Variants in SMARCA2 observed in about 807,000 individuals in gnomAD.
SMARCA2 encodes the protein SWI/SNF related BAF chromatin remodeling complex subunit ATPase 2, also known as SWI/SNF-related matrix-associated actin-dependent regulator of chromatin subfamily A member 2.
SMARCA2 carries 61 observed loss-of-function variants against 199.8 expected under a neutral mutation model. That is an observed-to-expected ratio of 0.31 (90% confidence interval 0.25 to 0.38). The LOEUF (loss-of-function observed/expected upper bound fraction) is 0.38. SMARCA2 is among the 10% of genes least tolerant of loss of function. The pLI is 1.00. For missense variants in SMARCA2, 1,344 were observed against 2,012.2 expected, an observed-to-expected ratio of 0.67 and a Z score of 6.35; for synonymous variants, 935 against 732.0, an observed-to-expected ratio of 1.28 and a Z score of -4.48.
At chr9:2,062,781 C>T (rs1254570238) in intron 9 of SMARCA2, among the ~76,000 whole-genome samples, 1 of 152,110 alleles carries the variant, frequency 6.6e-6, no homozygotes, top group East Asian at 1.9e-4. Flanking sequence ...ATCCTGCCTT[C>T]TCTCACAGTT....
intron 27 of SMARCA2, among the ~76,000 whole-genome samples, chr9:2,149,013 G>A (rs906015470): frequency 4.6e-5 from 7 of 151,520 alleles, no homozygotes; most frequent in African/African-American, 1.7e-4. Context: ...GCCATGCAGG[G>A]CCAGAATATA....
intron 26 of SMARCA2, among the ~76,000 whole-genome samples, chr9:2,121,130 A>C (rs961682398): frequency 1.1e-4 from 17 of 152,232 alleles, no homozygotes; most frequent in Non-Finnish European, 2.4e-4. Context: ...AAATTAGATT[A>C]GGCCCAGAAA....
intron 20 of SMARCA2, 87 bp from the exon 21 acceptor site, chr9:2,097,298 C>G (rs1822312927): frequency 2.4e-6 from 2 of 842,902 alleles, no homozygotes; most frequent in Non-Finnish European, 3.9e-6. Flanking sequence ...GTCCTTTGTC[C>G]TTTGTATAAG....
At chr9:2,184,321 A>G (rs924842109) in intron 31 of SMARCA2, among the ~76,000 whole-genome samples, 25 of 150,782 alleles carry the variant, frequency 1.7e-4, no homozygotes, top group African/African-American at 5.9e-4. Flanking sequence ...ACTTCTCAAG[A>G]TGGAAACATC....
intron 16 of SMARCA2, 60 bp downstream of exon 16, chr9:2,083,473 T>G: frequency 1.0e-6 from 1 of 1,003,402 alleles, no homozygotes; most frequent in Non-Finnish European, 1.6e-6. Context: ...CCTATTTTCT[T>G]CATTCCATAT....
chr9:2,180,099 G>T (rs1211303306), intron 29 of SMARCA2, among the ~76,000 whole-genome samples: 1 of 152,124 alleles, frequency 6.6e-6, no homozygotes, highest in African/African-American at 2.4e-5. Context: ...TGAGGGGTAG[G>T]GGTGGTTGAG....
intron 27 of SMARCA2, among the ~76,000 whole-genome samples, chr9:2,150,691 G>T (rs968121991): frequency 6.6e-6 from 1 of 151,566 alleles, no homozygotes; most frequent in Admixed American, 6.6e-5. Flanking sequence ...CTATGTAATA[G>T]TTTGCTAGGA....
At chr9:2,152,513 G>A (rs766481377) in intron 27 of SMARCA2, among the ~76,000 whole-genome samples, 2 of 151,726 alleles carry the variant, frequency 1.3e-5, no homozygotes, top group Admixed American at 6.6e-5. Flanking sequence ...AGATTGTACC[G>A]CTGCACTCCA....
At chr9:2,128,994 C>T (rs1463708492) in intron 27 of SMARCA2, among the ~76,000 whole-genome samples, 1 of 152,212 alleles carries the variant, frequency 6.6e-6, no homozygotes, top group Admixed American at 6.5e-5. Flanking sequence ...CCCGAGGCCC[C>T]CCACACTTTT....
intron 9 of SMARCA2, among the ~76,000 whole-genome samples, chr9:2,066,600 T>C (rs1820847276): frequency 6.6e-6 from 1 of 152,216 alleles, no homozygotes; most frequent in African/African-American, 2.4e-5. Flanking sequence ...ATTATACTCC[T>C]CCCTTCCTAC....
intron 28 of SMARCA2, among the ~76,000 whole-genome samples, chr9:2,168,099 C>T (rs1366736793): frequency 6.7e-6 from 1 of 150,034 alleles, no homozygotes; most frequent in Non-Finnish European, 1.5e-5. Context: ...GCAACATCTG[C>T]CTCCCGGGTT....
Position 2,086,861 on chromosome 9 carries a change from C to G in SMARCA2, c.2559C>G (p.Gly853=). 1 of 1,614,042 alleles carries G rather than the reference C, an allele frequency of 6.2e-7. No homozygotes were observed. Among genetic ancestry groups the G allele is most frequent in the Non-Finnish European group, 8.5e-7 (1 of 1,179,946 alleles). The stretch of plus-strand genomic sequence containing the variant: ...GGAAATACATGATAGTGGACGAAGG[C>G]CACCGAATGAAGAATCACCACTGCA... ...IRWKYMIVDE[G]HRMKNHHCKL... The change falls in exon 18 of 34, where the codon GGC becomes GGG. Residue 853 remains glycine, a synonymous_variant. Coordinates refer to ENST00000349721, the MANE Select transcript of SMARCA2 (RefSeq NM_003070.5). This position sits in a 1 kb window ranked among gnomAD's most constrained non-coding sequence, Gnocchi z 4.3.
intron 32 of SMARCA2, among the ~76,000 whole-genome samples, chr9:2,188,538 A>G (rs1404821822): frequency 1.3e-5 from 2 of 152,140 alleles, no homozygotes; most frequent in East Asian, 1.9e-4. Flanking sequence ...TTTTAGCTAT[A>G]TATTTCATTA....
intron 9 of SMARCA2, among the ~76,000 whole-genome samples, chr9:2,065,989 A>T (rs757537704): frequency 7.2e-5 from 11 of 152,242 alleles, no homozygotes; most frequent in African/African-American, 2.7e-4. Context: ...AAACAACCCA[A>T]GTAATTTGCA....
chr9:2,181,374 T>TTTTACTGTGATCTTAAAATTATCACAA (rs1827011997), intron 29 of SMARCA2, 197 bp from the exon 30 acceptor site: 1 of 474,668 alleles, frequency 2.1e-6, no homozygotes, highest in African/African-American at 2.0e-5. Flanking sequence ...CCAAATTGTA[T>TTTTACTGTGATCTTAAAATTATCACAA]TTTACTGTGA....
intron 31 of SMARCA2, among the ~76,000 whole-genome samples, chr9:2,182,578 C>A (rs1202395004): frequency 6.7e-6 from 1 of 149,864 alleles, no homozygotes; most frequent in Admixed American, 6.7e-5. Context: ...ATGGCAACCT[C>A]CGCCTCCCAG....
At chr9:2,021,539 G>C (rs1818599439) in intron 1 of SMARCA2, among the ~76,000 whole-genome samples, 1 of 152,124 alleles carries the variant, frequency 6.6e-6, no homozygotes, top group African/African-American at 2.4e-5. Flanking sequence ...TATCACACAT[G>C]GATATTGGAT....
At chr9:2,090,551 G>A (rs1822009448) in intron 19 of SMARCA2, among the ~76,000 whole-genome samples, 1 of 152,206 alleles carries the variant, frequency 6.6e-6, no homozygotes, top group African/African-American at 2.4e-5. Flanking sequence ...GTCTTATGGA[G>A]TTGTGAGGAT....
At chr9:2,091,622 G>A (rs1410733872) in intron 19 of SMARCA2, among the ~76,000 whole-genome samples, 3 of 152,172 alleles carry the variant, frequency 2.0e-5, no homozygotes, top group African/African-American at 7.2e-5. Context: ...CGCCTTAGGT[G>A]TATGACTGGT....
Sources: gnomAD v4.1 joint callset for allele counts (sites outside exome capture counted in the v4.1 genomes callset) on GRCh38, gnomAD v4.1.1 for gene constraint, Gnocchi (gnomAD v3.1) non-coding constraint, MANE v1.5 for transcripts, NCBI Gene and HGNC (gene_info 2026-07-23, HGNC 2026-07-21) for gene names.